The following DLG5 variants were observed in gnomAD, a reference collection of about 807,000 sequenced individuals.
DLG5 encodes disks large homolog 5.
DLG5 carries 48 observed loss-of-function variants against 189.8 expected under a neutral mutation model. That is an observed-to-expected ratio of 0.25 (90% CI 0.20 to 0.32). The LOEUF (loss-of-function observed/expected upper bound fraction) is 0.32, where lower values mean the gene tolerates loss of function less well. DLG5 is among the 10% of genes least tolerant of loss of function. DLG5 has a pLI of 1.00. For missense variants in DLG5, 2,160 were observed against 2,544.7 expected, an observed-to-expected ratio of 0.85 and a Z score of 3.25; for synonymous variants, 1,016 against 1,054.1, an observed-to-expected ratio of 0.96 and a Z score of 0.70.
rs1028123408 is a variant in DLG5, at chr10:77,821,485, G to T, written c.2999C>A (p.Ser1000Tyr). The T allele has an allele frequency of 6.2e-7, 1 of 1,612,896 alleles. No homozygotes were observed. Among genetic ancestry groups the T allele is most frequent in the Non-Finnish European group, 8.5e-7 (1 of 1,179,974 alleles). The change falls in exon 15 of 32, where the codon TCT (serine) becomes TAT (tyrosine). Residue 1000 changes from serine (S) to tyrosine (Y), a missense_variant. Coordinates refer to ENST00000372391, the MANE Select transcript of DLG5 (RefSeq NM_004747.4). ...CCCCGCCCTCTTGGAGGGCTGGGGA[G>T]AGTGAGCAGGCCCAGGACCTGGAAG... ...YLLPGPGPAHSPQPSKRAGPL... is the reference protein window; with the variant it reads ...YLLPGPGPAHYPQPSKRAGPL...
At chr10:77,813,749 A>C (rs1187501771) in intron 20 of DLG5, among the ~76,000 whole-genome samples, 1 of 152,184 alleles carries the variant, frequency 6.6e-6, no homozygotes, top group Non-Finnish European at 1.5e-5. Context: ...AGCAATAGCC[A>C]CCCAATAGAA....
chr10:77,827,275 G>C (rs931159569), intron 13 of DLG5, among the ~76,000 whole-genome samples: 10 of 152,138 alleles, frequency 6.6e-5, no homozygotes, highest in Non-Finnish European at 1.5e-4. Flanking sequence ...ACCCAGGCTA[G>C]AGTGCAGTGG....
At chr10:77,811,020 G>A (rs1467054923) in intron 23 of DLG5, 74 bp downstream of exon 23, 9 of 1,542,288 alleles carry the variant, frequency 5.8e-6, no homozygotes, top group South Asian at 1.2e-5. Flanking sequence ...CAGTGCCCAC[G>A]CCACTTGGAG....
intron 1 of DLG5, among the ~76,000 whole-genome samples, chr10:77,881,066 G>A (rs991442195): frequency 2.4e-4 from 34 of 140,700 alleles, no homozygotes; most frequent in Non-Finnish European, 4.7e-4. Context: ...TTCATCTCCC[G>A]GGTCCAAGTG....
At chr10:77,894,806 A>G (rs1447769225) in intron 1 of DLG5, among the ~76,000 whole-genome samples, 3 of 151,918 alleles carry the variant, frequency 2.0e-5, no homozygotes, top group African/African-American at 7.3e-5. Flanking sequence ...CTAGCTCAGC[A>G]CCTCTCTTCC....
chr10:77,843,400 C>T (rs1448010867), intron 6 of DLG5, 47 bp downstream of exon 6: 2 of 1,595,486 alleles, frequency 1.3e-6, no homozygotes, highest in Non-Finnish European at 1.7e-6. Context: ...TGGCTGGGAA[C>T]CTTATAGGAC....
At chr10:77,893,643 G>C (rs557693068) in intron 1 of DLG5, among the ~76,000 whole-genome samples, 5 of 152,350 alleles carry the variant, frequency 3.3e-5, no homozygotes, top group Admixed American at 6.5e-5. Context: ...CCATAGGGAA[G>C]CATCTGCTCT....
At chr10:77,810,948 G>A (rs1841735446) in intron 23 of DLG5, 146 bp downstream of exon 23, 3 of 959,144 alleles carry the variant, frequency 3.1e-6, no homozygotes, top group Middle Eastern at 3.4e-4. Flanking sequence ...AAGGAATGCC[G>A]TGCTCCCGGC....
intron 9 of DLG5, among the ~76,000 whole-genome samples, chr10:77,833,601 C>T (rs200311911): frequency 4.1e-4 from 62 of 152,372 alleles, no homozygotes; most frequent in East Asian, 3.1e-3. Context: ...ATGGATAACA[C>T]ATGCATGCCT....
intron 1 of DLG5, among the ~76,000 whole-genome samples, chr10:77,870,605 G>A (rs1844857652): frequency 6.6e-6 from 1 of 151,964 alleles, no homozygotes; most frequent in African/African-American, 2.4e-5. Flanking sequence ...GATCACCTAA[G>A]CCCAGGGAAG....
chr10:77,839,954 G>A (rs553967116), intron 7 of DLG5, among the ~76,000 whole-genome samples: 3 of 152,232 alleles, frequency 2.0e-5, no homozygotes, highest in Admixed American at 1.3e-4. Flanking sequence ...CCTAACAGAG[G>A]AGTAAGATTC....
chr10:77,918,272 G>C (rs935258558), intron 1 of DLG5, among the ~76,000 whole-genome samples: 2 of 152,018 alleles, frequency 1.3e-5, no homozygotes, highest in Admixed American at 6.6e-5. Flanking sequence ...AATTAGCCAG[G>C]TGTGGTGGCA....
chr10:77,863,522 T>G (rs1281542752), intron 2 of DLG5, among the ~76,000 whole-genome samples: 4 of 152,194 alleles, frequency 2.6e-5, no homozygotes, highest in Non-Finnish European at 5.9e-5. Flanking sequence ...TACAGTAAAC[T>G]TTTTAAAAAC....
chr10:77,875,110 G>A (rs1845042951), intron 1 of DLG5, among the ~76,000 whole-genome samples: 2 of 152,290 alleles, frequency 1.3e-5, no homozygotes, highest in Non-Finnish European at 2.9e-5. Flanking sequence ...TTAATTTGCT[G>A]AAGGTCGTGC....
At chr10:77,856,663 C>T (rs1433793571) in intron 3 of DLG5, 67 bp downstream of exon 3, 2 of 1,571,204 alleles carry the variant, frequency 1.3e-6, no homozygotes, top group Non-Finnish European at 1.7e-6. Flanking sequence ...TTGGGGGTGA[C>T]AGCACCAGCA....
In DLG5 at chr10:77,805,832, C is replaced by T. The variant is rs1403337937; in HGVS notation, c.4997G>A (p.Ser1666Asn). 1.2e-6 allele frequency: 2 copies of T among 1,613,880 alleles called. No homozygotes were observed. The highest frequency in any genetic ancestry group is 1.7e-6 in the Non-Finnish European group (2 of 1,179,796). Residue 1666 changes from serine (S) to asparagine (N), a missense_variant, in exon 27 of 32, where the codon AGC (serine) becomes AAC (asparagine). Ser to Asn is a conservative substitution (Grantham distance 46). Transcript: ENST00000372391. ...VMDQEFSRRL[S>N]MSEVKDDNSA... ...ATTGTCATCTTTGACTTCAGACATG[C>T]TGAGCCTCCTGGAGAATTCTTGGTC...
intron 27 of DLG5, among the ~76,000 whole-genome samples, chr10:77,802,514 TA>T (rs1381099364): frequency 3.3e-5 from 5 of 152,182 alleles, no homozygotes; most frequent in Non-Finnish European, 7.3e-5. Context: ...AATGGAAATG[TA>T]AAAGGCAAAA....
intron 2 of DLG5, among the ~76,000 whole-genome samples, chr10:77,861,474 C>T (rs1227425816): frequency 1.3e-5 from 2 of 152,148 alleles, no homozygotes; most frequent in Admixed American, 6.5e-5. Flanking sequence ...GGAGAGGAGG[C>T]GGCAGGACAG....
At chr10:77,904,599 T>C (rs1459452128) in intron 1 of DLG5, among the ~76,000 whole-genome samples, 1 of 152,060 alleles carries the variant, frequency 6.6e-6, no homozygotes, top group African/African-American at 2.4e-5. Context: ...ATTCTTGTGA[T>C]AGTAAGTCTC....
Sources: gnomAD v4.1 joint callset for allele counts (sites outside exome capture counted in the v4.1 genomes callset) on GRCh38, gnomAD v4.1.1 for gene constraint, MANE v1.5 for transcripts, NCBI Gene and HGNC (gene_info 2026-07-23, HGNC 2026-07-21) for gene names.